Variants in HELQ observed in about 807,000 individuals in gnomAD.
HELQ encodes helicase, POLQ like, also known as helicase POLQ-like.
Under a neutral mutation model 111.6 loss-of-function variants are expected in HELQ, and 77 were observed. The observed-to-expected ratio is 0.69, with a 90% confidence interval of 0.57 to 0.83. HELQ has a LOEUF of 0.83. Ranked by LOEUF, HELQ falls within the 40% of genes least tolerant of loss-of-function variation. The pLI is 0.00. For missense variants in HELQ, 1,200 were observed against 1,288.5 expected, an observed-to-expected ratio of 0.93 and a Z score of 1.05; for synonymous variants, 438 against 454.7, an observed-to-expected ratio of 0.96 and a Z score of 0.47.
rs770661129 is a variant in HELQ, at chr4:83,455,720, C to G, written c.-27G>C. 2.2e-5 allele frequency: 34 copies of G among 1,542,260 alleles called. No individual in the cohort carries two copies. In the Middle Eastern group the frequency reaches 5.6e-4, roughly 26 times the overall value. ...GCAAGGACCCAGGGCCCTATTCAGA[C>G]GTCGTTCTCAGTGACCCAGACGCTA... On this transcript the variant is annotated 5_prime_UTR_variant, in exon 1 of 18. Transcript: ENST00000295488.
chr4:83,409,904 CCTAAT>C (rs1213991559), intron 17 of HELQ, among the ~76,000 whole-genome samples: 1 of 151,874 alleles, frequency 6.6e-6, no homozygotes, highest in Non-Finnish European at 1.5e-5. Flanking sequence ...AAATAAAAAA[CCTAAT>C]TAGGGCCACT....
chr4:83,429,999 G>T (rs1477728812), intron 11 of HELQ, among the ~76,000 whole-genome samples: 1 of 151,792 alleles, frequency 6.6e-6, no homozygotes, highest in Non-Finnish European at 1.5e-5. Context: ...AAACTCCTTT[G>T]GATAGATCTT....
intron 5 of HELQ, among the ~76,000 whole-genome samples, chr4:83,444,274 T>C (rs895333485): frequency 1.1e-4 from 17 of 152,230 alleles, no homozygotes; most frequent in African/African-American, 4.1e-4. Flanking sequence ...GGTATGGCTA[T>C]AGACAGATGT....
chr4:83,426,551 T>C (rs767786494), intron 13 of HELQ, among the ~76,000 whole-genome samples: 3 of 148,714 alleles, frequency 2.0e-5, no homozygotes, highest in African/African-American at 4.8e-5. Context: ...CTGTCTAATA[T>C]ACGTTTTTGT....
At position 83,431,730 on chromosome 4, in the gene HELQ, G is replaced by A; in HGVS notation, c.2229C>T (p.Tyr743=). 2 of 1,541,668 alleles carry A rather than the reference G, an allele frequency of 1.3e-6. No homozygotes were observed. The highest frequency in any genetic ancestry group is 1.8e-6 in the Non-Finnish European group (2 of 1,141,578). ...TGGTGAATTCCTGAACAAGATGGCTGTAACAGTTTTCCAATGGTTTAGTTA... is the reference window on the plus strand; with the variant it reads ...TGGTGAATTCCTGAACAAGATGGCTATAACAGTTTTCCAATGGTTTAGTTA... ...ELITKPLENC[Y]SHLVQEFTKG... is the part of the protein sequence containing the mutation. Residue 743 remains tyrosine (Y), a synonymous_variant, in exon 11 of 18, where the codon TAC becomes TAT. Transcript: ENST00000295488.
At chr4:83,409,513 C>T (rs1738975134) in intron 17 of HELQ, among the ~76,000 whole-genome samples, 1 of 151,674 alleles carries the variant, frequency 6.6e-6, no homozygotes, top group South Asian at 2.1e-4. Flanking sequence ...AAGATTGCAC[C>T]ACTGCACTCC....
chr4:83,420,788 A>T (rs952058730), intron 15 of HELQ, among the ~76,000 whole-genome samples: 4 of 151,916 alleles, frequency 2.6e-5, no homozygotes, highest in African/African-American at 9.7e-5. Context: ...AACAAAAAAA[A>T]TTAGCCAGGT....
At position 83,437,035 on chromosome 4, in the gene HELQ, C is replaced by A; in HGVS notation, c.1871G>T (p.Gly624Val). 6.2e-7 allele frequency: 1 copy of A among 1,613,884 alleles called. No individual in the cohort carries two copies. The highest frequency in any genetic ancestry group is 2.2e-5 in the East Asian group (1 of 44,880). ...CEVIKNLKNI[G>V]NGNLCPVLKR... is the part of the protein sequence containing the mutation. ...TAAAACAGGACACAGGTTGCCATTG[C>A]CAATATTCTTCAAGTTCTTAATCAC... Residue 624 changes from glycine to valine, a missense_variant, in exon 9 of 18, where the codon GGC (glycine) becomes GTC (valine). By Grantham distance (109) the Gly-to-Val change is moderately radical (BLOSUM62 -3). Coordinates refer to ENST00000295488, the MANE Select transcript of HELQ (RefSeq NM_133636.5).
intron 10 of HELQ, 76 bp from the exon 11 acceptor site, chr4:83,431,844 T>A: frequency 1.6e-6 from 1 of 616,816 alleles, no homozygotes. Flanking sequence ...TATTTTATAC[T>A]TTACATAAAT....
intron 15 of HELQ, among the ~76,000 whole-genome samples, chr4:83,419,645 C>T (rs1739557908): frequency 6.6e-6 from 1 of 151,412 alleles, no homozygotes; most frequent in Admixed American, 6.6e-5. Context: ...CTCATAGTCG[C>T]AATGAAAACA....
chr4:83,416,609 A>G (rs1475789048), intron 17 of HELQ, 122 bp downstream of exon 17: 2 of 977,338 alleles, frequency 2.0e-6, no homozygotes, highest in Non-Finnish European at 3.0e-6. Context: ...AAGAGTATGT[A>G]CTTTTGTATC....
chr4:83,437,157 C>A (rs1417009390), intron 8 of HELQ, 60 bp from the exon 9 acceptor site: 6 of 1,504,418 alleles, frequency 4.0e-6, no homozygotes, highest in Non-Finnish European at 5.4e-6. Flanking sequence ...AAATTTCTAC[C>A]ATTTTCATTT....
At chr4:83,431,242 C>A (rs868370886) in intron 11 of HELQ, among the ~76,000 whole-genome samples, 1 of 151,930 alleles carries the variant, frequency 6.6e-6, no homozygotes, top group Non-Finnish European at 1.5e-5. Flanking sequence ...ATAGCAAGAC[C>A]CCATCTCTAA....
intron 8 of HELQ, among the ~76,000 whole-genome samples, chr4:83,437,936 C>T (rs372314128): frequency 2.8e-4 from 43 of 152,232 alleles, no homozygotes; most frequent in African/African-American, 9.1e-4. Context: ...ATCACTTAGC[C>T]AGTGTCTCCA....
At chr4:83,450,222 TAAAAAA>T (rs71668650) in intron 2 of HELQ, among the ~76,000 whole-genome samples, 473 of 45,520 alleles carry the variant, frequency 0.01, 6 homozygotes, top group African/African-American at 0.021. Context: ...CAGTTAAGTT[TAAAAAA>T]AAAAAAAAAA....
At chr4:83,417,750 A>G (rs1451144565) in intron 16 of HELQ, among the ~76,000 whole-genome samples, 3 of 152,176 alleles carry the variant, frequency 2.0e-5, no homozygotes, top group Admixed American at 1.3e-4. Context: ...TTAAACAAGC[A>G]CTGAGTCCAA....
intron 7 of HELQ, among the ~76,000 whole-genome samples, chr4:83,440,363 C>T (rs1010788637): frequency 1.3e-5 from 2 of 152,122 alleles, no homozygotes; most frequent in Admixed American, 1.3e-4. Context: ...GAGAGAAACA[C>T]AGATTGATCC....
chr4:83,444,420 G>A (rs1211746323), intron 5 of HELQ, among the ~76,000 whole-genome samples: 2 of 151,992 alleles, frequency 1.3e-5, no homozygotes, highest in Non-Finnish European at 2.9e-5. Flanking sequence ...TTGCTCTGTT[G>A]CCCAGGCTGG....
intron 12 of HELQ, 44 bp downstream of exon 12, chr4:83,429,480 C>T (rs1232711085): frequency 7.5e-7 from 1 of 1,330,828 alleles, no homozygotes; most frequent in Non-Finnish European, 1.1e-6. Flanking sequence ...TTCATTTTTT[C>T]CAATGTGTTT....
Sources: allele counts gnomAD v4.1 joint callset (sites outside exome capture counted in the v4.1 genomes callset), GRCh38; gene constraint gnomAD v4.1.1; transcripts MANE v1.5; gene names NCBI Gene and HGNC (gene_info 2026-07-23, HGNC 2026-07-21).